Variants in SNX25 observed in about 807,000 individuals in gnomAD.
The protein encoded by SNX25 is sorting nexin-25.
SNX25 carries 62 observed loss-of-function variants against 113.7 expected under a neutral mutation model. The observed-to-expected ratio is 0.55, with a 90% confidence interval of 0.44 to 0.67. The LOEUF (loss-of-function observed/expected upper bound fraction) is 0.67, where lower values mean the gene tolerates loss of function less well. Ranked by LOEUF, SNX25 falls within the 30% of genes least tolerant of loss-of-function variation. SNX25 has a pLI of 0.00. For missense variants in SNX25, 1,014 were observed against 1,161.0 expected (o/e 0.87, Z 1.84); for synonymous variants, 421 against 436.2 (o/e 0.97, Z 0.43).
chr4:185,238,823 T>C (rs931320862), intron 1 of SNX25, among the ~76,000 whole-genome samples: 20 of 152,182 alleles, frequency 1.3e-4, no homozygotes, highest in Admixed American at 6.5e-4. Context: ...GAGACACTTG[T>C]TTATTTGAGA....
downstream of SNX25, among the ~76,000 whole-genome samples, chr4:185,367,594 T>C (rs2095394136): frequency 6.6e-6 from 1 of 152,216 alleles, no homozygotes; most frequent in Non-Finnish European, 1.5e-5. Flanking sequence ...ATTATGTGAA[T>C]AACAGCATCT....
At chr4:185,313,327 C>T (rs2095045691) in intron 7 of SNX25, among the ~76,000 whole-genome samples, 1 of 152,106 alleles carries the variant, frequency 6.6e-6, no homozygotes, top group African/African-American at 2.4e-5. Context: ...GATGAAGAAC[C>T]TTTCATTATG....
Position 185,310,804 on chromosome 4 carries a change from T to C in SNX25, c.1332T>C (p.Pro444=). ...GGGCCCTGGATGAGGGGGAAGGGCC[T>C]CAAAGCCAGAAGGTAGAACTTTATA... ...EDGALDEGEG[P]QSQKILQFED... Residue 444 remains proline (P), a synonymous_variant, in exon 7 of 19, where the codon CCT becomes CCC. Transcript: ENST00000652585. 6.2e-7 allele frequency: 1 copy of C among 1,611,024 alleles called. No individual in the cohort carries two copies. The highest frequency in any genetic ancestry group is 1.3e-5 in the African/African-American group (1 of 74,924).
At chr4:185,249,827 T>C (rs139348619) in intron 2 of SNX25, among the ~76,000 whole-genome samples, 1 of 152,328 alleles carries the variant, frequency 6.6e-6, no homozygotes, top group East Asian at 1.9e-4. Context: ...CTGCTGAGAT[T>C]CTCTCGTCTG....
At chr4:185,326,723 T>C (rs2095159850) in intron 9 of SNX25, among the ~76,000 whole-genome samples, 1 of 152,208 alleles carries the variant, frequency 6.6e-6, no homozygotes, top group Admixed American at 6.5e-5. Context: ...ATAAGCCAAA[T>C]TTTACTTTTA....
rs761067201 is a variant in SNX25 at position 185,267,106 on chromosome 4, A to G, written c.1042A>G (p.Ile348Val). ...YTYAPSYEDFIKLINSNSDVE... is the reference protein window; with the variant it reads ...YTYAPSYEDFVKLINSNSDVE... Reference sequence around the variant, plus strand: ...CTATGCCCCCTCTTACGAGGACTTCATCAAGCTCATTAACAGCAACTCTGA... The same window carrying G: ...CTATGCCCCCTCTTACGAGGACTTCGTCAAGCTCATTAACAGCAACTCTGA... The change falls in exon 5 of 19, where the codon ATC becomes GTC. Residue 348 changes from isoleucine to valine, a missense_variant. Transcript: ENST00000652585. 9 of 1,613,880 alleles carry G rather than the reference A, an allele frequency of 5.6e-6. No homozygotes were observed. Among genetic ancestry groups the G allele is most frequent in the Admixed American group, 3.3e-5 (2 of 59,988 alleles).
chr4:185,354,750 T>G (rs977447821), intron 15 of SNX25, among the ~76,000 whole-genome samples: 1 of 152,188 alleles, frequency 6.6e-6, no homozygotes, highest in African/African-American at 2.4e-5. Context: ...AATGCTACTC[T>G]CCGTCCACAC....
intron 1 of SNX25, among the ~76,000 whole-genome samples, chr4:185,211,865 ACT>A (rs1737859925): frequency 6.6e-6 from 1 of 152,060 alleles, no homozygotes; most frequent in African/African-American, 2.4e-5. Flanking sequence ...GTGGGTTAGC[ACT>A]CTGTTTCCTG....
At chr4:185,294,733 CATT>C (rs2126628146) in intron 6 of SNX25, among the ~76,000 whole-genome samples, 1 of 152,268 alleles carries the variant, frequency 6.6e-6, no homozygotes, top group African/African-American at 2.4e-5. Flanking sequence ...TCCGCTAACT[CATT>C]ATACCCTCTG....
exon 12 of SNX25, chr4:185,369,755 T>C (rs2095408597): frequency 4.5e-6 from 2 of 446,086 alleles, no homozygotes; most frequent in Admixed American, 2.4e-5. Context: ...CACAGGGAAC[T>C]TCAACAAATA....
At chr4:185,327,871 A>G (rs182095278) in intron 9 of SNX25, among the ~76,000 whole-genome samples, 69 of 152,350 alleles carry the variant, frequency 4.5e-4, no homozygotes, top group Non-Finnish European at 8.7e-4. Flanking sequence ...TGTAGCCTCT[A>G]TGCCAAATTT....
At chr4:185,314,486 C>T (rs978164951) in intron 7 of SNX25, among the ~76,000 whole-genome samples, 1 of 152,108 alleles carries the variant, frequency 6.6e-6, no homozygotes, top group South Asian at 2.1e-4. Context: ...ATAATGTGGA[C>T]AACTTCAAGC....
At chr4:185,270,106 C>T (rs985820904) in intron 5 of SNX25, among the ~76,000 whole-genome samples, 2 of 150,796 alleles carry the variant, frequency 1.3e-5, no homozygotes, top group Non-Finnish European at 2.9e-5. Flanking sequence ...AATCCCAGCA[C>T]TTTTGGAGGC....
chr4:185,210,208 G>T lies in SNX25; in HGVS notation c.382G>T (p.Ala128Ser). Residue 128 changes from alanine to serine, a missense_variant, in exon 1 of 19, where the codon GCC (alanine) becomes TCC (serine). By Grantham distance (99) the Ala-to-Ser change is moderately conservative. Coordinates refer to ENST00000652585, the MANE Select transcript of SNX25 (RefSeq NM_001378034.2). This position sits in a 1 kb window ranked among gnomAD's most constrained non-coding sequence, Gnocchi z 4.4. Reference protein sequence around the residue: ...PRAQPPDFAAAWSRLAATSAA... With the variant: ...PRAQPPDFAASWSRLAATSAA... ...CGCCCAGCCGCCCGACTTCGCCGCC[G>T]CCTGGAGCCGGCTGGCCGCGACCTC... is the stretch of plus-strand genomic sequence containing the variant. The T allele has an allele frequency of 1.0e-6, 1 of 984,692 alleles. No individual in the cohort carries two copies. The highest frequency in any genetic ancestry group is 1.2e-6 in the Non-Finnish European group (1 of 829,986). The allele number at this position is 984,692 out of a possible 1,614,324, so 61.0% of individuals were successfully genotyped here. A position where few individuals can be genotyped will look rare whatever the true frequency, so the allele number is the denominator to read the frequency against.
intron 6 of SNX25, among the ~76,000 whole-genome samples, chr4:185,300,160 GA>G (rs1753429772): frequency 8.1e-6 from 1 of 124,156 alleles, no homozygotes; most frequent in South Asian, 3.0e-4. Flanking sequence ...TGTCCACTAG[GA>G]AATTTTTTTT....
chr4:185,335,269 G>A (rs774100126), intron 10 of SNX25, among the ~76,000 whole-genome samples: 6 of 151,152 alleles, frequency 4.0e-5, no homozygotes, highest in East Asian at 3.9e-4. Context: ...GCAGTCAGCC[G>A]AGATCACGCC....
At chr4:185,368,875 C>G (rs1298003570), downstream of SNX25, among the ~76,000 whole-genome samples, 4 of 150,938 alleles carry the variant, frequency 2.7e-5, no homozygotes, top group Non-Finnish European at 5.9e-5. Context: ...CTCACTGCAG[C>G]CTCCTCCTTG....
At chr4:185,243,227 T>C (rs1305956640) in intron 1 of SNX25, among the ~76,000 whole-genome samples, 1 of 152,234 alleles carries the variant, frequency 6.6e-6, no homozygotes, top group African/African-American at 2.4e-5. Context: ...TGAACCATTT[T>C]TGAGTATACA....
chr4:185,366,555 A>G (rs1479117634), downstream of SNX25: 3 of 152,228 alleles, frequency 2.0e-5, no homozygotes. Flanking sequence ...CTTTTTAAGA[A>G]TAAAGGATGT....
Sources: gnomAD v4.1 joint callset for allele counts (sites outside exome capture counted in the v4.1 genomes callset) on GRCh38, gnomAD v4.1.1 for gene constraint, Gnocchi (gnomAD v3.1) non-coding constraint, MANE v1.5 for transcripts, NCBI Gene and HGNC (gene_info 2026-07-23, HGNC 2026-07-21) for gene names.